The following ALX4 variants were observed in gnomAD, a reference collection of about 807,000 sequenced individuals.
The protein encoded by ALX4 is ALX homeobox 4.
ALX4 carries 22 observed loss-of-function variants against 40.6 expected under a neutral mutation model. That is an observed-to-expected ratio of 0.54 (90% CI 0.39 to 0.77). The LOEUF is 0.77. Among genes scored for constraint, ALX4 ranks in the 30% least tolerant of loss-of-function variants. The pLI, the probability that ALX4 is intolerant of heterozygous loss-of-function variation, is 0.00. For synonymous variants in ALX4, 266 were observed against 240.5 expected, an observed-to-expected ratio of 1.11 and a Z score of -0.98; for missense variants, 556 against 564.8, an observed-to-expected ratio of 0.98 and a Z score of 0.16.
chr11:44,287,260 G>A (rs953915902), intron 1 of ALX4, among the ~76,000 whole-genome samples: 4 of 152,106 alleles, frequency 2.6e-5, no homozygotes, highest in African/African-American at 7.2e-5. Context: ...GTCCAGGAAC[G>A]AAAAGGGATT....
At chr11:44,286,997 G>A (rs575083243) in intron 1 of ALX4, among the ~76,000 whole-genome samples, 1 of 152,344 alleles carries the variant, frequency 6.6e-6, no homozygotes, top group African/African-American at 2.4e-5. Flanking sequence ...ACTTGCAAAA[G>A]CCTTTGCCTT....
chr11:44,297,043 T>G, intron 1 of ALX4, among the ~76,000 whole-genome samples: 2 of 139,276 alleles, frequency 1.4e-5, no homozygotes, highest in African/African-American at 5.4e-5. Context: ...GTACCTACAG[T>G]AGGAAAATCC....
intron 1 of ALX4, among the ~76,000 whole-genome samples, chr11:44,302,297 C>T (rs536001287): frequency 1.3e-5 from 2 of 152,278 alleles, no homozygotes; most frequent in African/African-American, 4.8e-5. Flanking sequence ...CCCTGAAACA[C>T]TCAGATAGCA....
intron 1 of ALX4, among the ~76,000 whole-genome samples, chr11:44,282,356 C>A (rs894738575): frequency 6.6e-6 from 1 of 152,094 alleles, no homozygotes; most frequent in African/African-American, 2.4e-5. Context: ...CAAGTTACGG[C>A]GATGTATGGA....
At chr11:44,306,493 C>A (rs1016391663) in intron 1 of ALX4, among the ~76,000 whole-genome samples, 3 of 152,232 alleles carry the variant, frequency 2.0e-5, no homozygotes, top group African/African-American at 7.2e-5. Flanking sequence ...CGAGCTTCCC[C>A]CTTTTGTTAG....
chr11:44,267,468 T>A, intron 3 of ALX4, 26 bp downstream of exon 3: 1 of 1,612,398 alleles, frequency 6.2e-7, no homozygotes. Flanking sequence ...TGGGGATCGG[T>A]GGCGGCAGCT....
rs1174797388 is a variant in ALX4 at position 44,262,535 on chromosome 11, AG to A, written c.*2318del. 6.6e-6 allele frequency: 1 copy of A among 152,234 alleles called. No individual in the cohort carries two copies. The highest frequency in any genetic ancestry group is 1.5e-5 in the Non-Finnish European group (1 of 68,078). The allele number at this position is 152,234 out of a possible 1,614,324, so 9.4% of individuals were successfully genotyped here. On this transcript the variant is annotated 3_prime_UTR_variant, in exon 4 of 4. Transcript: ENST00000652299. ...GCCCAGCCAGAGAGCAGACGCATGG[AG>A]GAACTGAGTGCCGGGGGCCACTGCG...
chr11:44,292,959 C>T (rs911438366), intron 1 of ALX4, among the ~76,000 whole-genome samples: 3 of 151,358 alleles, frequency 2.0e-5, no homozygotes, highest in East Asian at 2.0e-4. Context: ...ATTAGCTGGG[C>T]GTGGTGGCAC....
chr11:44,308,698 G>A (rs568465699), intron 1 of ALX4, among the ~76,000 whole-genome samples: 39 of 152,374 alleles, frequency 2.6e-4, no homozygotes, highest in Non-Finnish European at 4.8e-4. Flanking sequence ...CTGCGTTCAA[G>A]GCAGCTTGGA....
intron 1 of ALX4, among the ~76,000 whole-genome samples, chr11:44,278,780 C>A (rs984133265): frequency 2.6e-5 from 4 of 152,158 alleles, no homozygotes; most frequent in African/African-American, 9.7e-5. Context: ...AGTTGAGGGT[C>A]CCTCCTCCCT....
At chr11:44,295,813 AC>A (rs1042583391) in intron 1 of ALX4, among the ~76,000 whole-genome samples, 5 of 152,218 alleles carry the variant, frequency 3.3e-5, no homozygotes, top group African/African-American at 1.2e-4. Context: ...CCCTCAGAGC[AC>A]AAAAGAATTT....
chr11:44,309,901 T>A lies in ALX4; in HGVS notation c.162A>T (p.Ala54=), dbSNP rs1259856472. The change falls in exon 1 of 4, where the codon GCA becomes GCT. Residue 54 remains alanine (A), a synonymous_variant. Coordinates refer to ENST00000652299, the MANE Select transcript of ALX4 (RefSeq NM_021926.4). ...GTTFLSAAAK[A]QGFGDAKSRA... ...GGCTCTTGGCGTCCCCGAATCCCTG[T>A]GCTTTGGCGGCGGCCGACAGGAAAG... is the stretch of plus-strand genomic sequence containing the variant. 1.3e-6 allele frequency: 2 copies of A among 1,586,396 alleles called. No individual in the cohort carries two copies. Among genetic ancestry groups the A allele is most frequent in the Admixed American group, 3.5e-5 (2 of 56,968 alleles).
At chr11:44,272,468 C>A (rs1202304690) in intron 2 of ALX4, among the ~76,000 whole-genome samples, 3 of 149,334 alleles carry the variant, frequency 2.0e-5, no homozygotes, top group Non-Finnish European at 4.4e-5. Context: ...TGCACCACTG[C>A]ACTCCAGCCT....
In ALX4 at chr11:44,291,321, C is replaced by T. The variant is rs558152156; in HGVS notation, c.467-15663G>A. Among the ~76,000 whole-genome samples the T allele has an allele frequency of 2.7e-3, 417 of 152,298 alleles. 2 individuals are homozygous for T. Among genetic ancestry groups the T allele is most frequent in the African/African-American group, 9.7e-3 (403 of 41,562 alleles). ...GCAGGGGAGGGGTGTTACGAGGCAG[C>T]GTTATCACTCGCCCTGCCTGTTGTC... On this transcript the variant is annotated intron_variant, in intron 1 of 3. Coordinates refer to ENST00000652299, the MANE Select transcript of ALX4 (RefSeq NM_021926.4).
rs376914618 is a variant in ALX4, at chr11:44,303,045, C to T, written c.466+6552G>A. 1.7e-3 allele frequency among the ~76,000 whole-genome samples: 252 copies of T among 152,218 alleles called. 5 individuals are homozygous for T. The South Asian group carries it at 0.047, about 28-fold the overall frequency. Reference sequence around the variant, plus strand: ...AGGTGGAGGCTGGGGTGATCTACACCGCAACTGTGGGCCCCGGTCCCCACG... The same window carrying T: ...AGGTGGAGGCTGGGGTGATCTACACTGCAACTGTGGGCCCCGGTCCCCACG... On this transcript the variant is annotated intron_variant, in intron 1 of 3. Transcript: ENST00000652299.
At chr11:44,303,326 C>G (rs1267512604) in intron 1 of ALX4, among the ~76,000 whole-genome samples, 1 of 152,228 alleles carries the variant, frequency 6.6e-6, no homozygotes, top group Non-Finnish European at 1.5e-5. Context: ...CAATGTGCAG[C>G]GGCGCCAGTG....
At chr11:44,269,547 C>T (rs965002420) in intron 2 of ALX4, among the ~76,000 whole-genome samples, 14 of 152,370 alleles carry the variant, frequency 9.2e-5, no homozygotes, top group South Asian at 2.1e-4. Context: ...TGTGGCTACA[C>T]GCACGTGCAT....
chr11:44,279,965 G>A (rs1956299462), intron 1 of ALX4, among the ~76,000 whole-genome samples: 2 of 152,102 alleles, frequency 1.3e-5, no homozygotes, highest in South Asian at 4.1e-4. Flanking sequence ...CTGAGCTCTC[G>A]CTCTGTCCAG....
At chr11:44,304,741 C>T (rs1345484214) in intron 1 of ALX4, among the ~76,000 whole-genome samples, 1 of 152,176 alleles carries the variant, frequency 6.6e-6, no homozygotes, top group African/African-American at 2.4e-5. Context: ...GCGCTGAGAC[C>T]GAGAAGAAGG....
Sources: allele counts gnomAD v4.1 joint callset (sites outside exome capture counted in the v4.1 genomes callset), GRCh38; gene constraint gnomAD v4.1.1; transcripts MANE v1.5; gene names NCBI Gene and HGNC (gene_info 2026-07-23, HGNC 2026-07-21).